The following SYTL5 variants were observed in gnomAD, a reference collection of about 807,000 sequenced individuals.
The protein encoded by SYTL5 is synaptotagmin like 5.
Under a neutral mutation model 55.9 loss-of-function variants are expected in SYTL5, and 34 were observed. That is an observed-to-expected ratio of 0.61 (90% CI 0.46 to 0.81). The LOEUF (loss-of-function observed/expected upper bound fraction) is 0.81. SYTL5 is among the 30% of genes least tolerant of loss of function. SYTL5 has a pLI of 0.00. For missense variants in SYTL5, 637 were observed against 546.7 expected, an observed-to-expected ratio of 1.17 and a Z score of -1.65; for synonymous variants, 221 against 188.7, an observed-to-expected ratio of 1.17 and a Z score of -1.40.
chrX:38,028,693 G>C (rs1934857894), intron 1 of SYTL5, among the ~76,000 whole-genome samples: 1 of 111,716 alleles, frequency 9.0e-6, no homozygotes, highest in Non-Finnish European at 1.9e-5. Context: ...CTTTTCATGA[G>C]AGTCCTGAAA....
the SYTL5 span, among the ~76,000 whole-genome samples, chrX:37,996,843 G>A: frequency 9.7e-4 from 109 of 111,972 alleles, no homozygotes; most frequent in African/African-American, 3.3e-3. Flanking sequence ...CCCAAAATAG[G>A]AGTCTAGAAA....
the SYTL5 span, among the ~76,000 whole-genome samples, chrX:37,939,201 C>T: frequency 2.4e-4 from 26 of 107,094 alleles, no homozygotes; most frequent in African/African-American, 7.5e-4. Flanking sequence ...GCAGAGGTTG[C>T]GGTGAGCTGA....
At chrX:37,965,518 T>G in the SYTL5 span, among the ~76,000 whole-genome samples, 5 of 111,746 alleles carry the variant, frequency 4.5e-5, no homozygotes, top group Non-Finnish European at 9.4e-5. Context: ...AGCTTGTTTT[T>G]GGGATCTAAC....
At chrX:37,934,436 A>G in the SYTL5 span, among the ~76,000 whole-genome samples, 1 of 107,281 alleles carries the variant, frequency 9.3e-6, no homozygotes, top group Non-Finnish European at 1.9e-5. Context: ...GGTGTTCAAC[A>G]GATTTGGGCA....
the SYTL5 span, chrX:37,946,490 C>A: frequency 4.2e-6 from 1 of 237,427 alleles, no homozygotes; most frequent in South Asian, 5.3e-5. Flanking sequence ...CTGGATTTTT[C>A]ATTGGAATCA....
chrX:37,940,963 G>C, the SYTL5 span, among the ~76,000 whole-genome samples: 1 of 110,826 alleles, frequency 9.0e-6, no homozygotes, highest in Non-Finnish European at 1.9e-5. Flanking sequence ...CCTAACTAGG[G>C]CTTACTGTAG....
At chrX:38,015,904 T>C (rs1934338941) in intron 1 of SYTL5, among the ~76,000 whole-genome samples, 1 of 111,110 alleles carries the variant, frequency 9.0e-6, no homozygotes, top group African/African-American at 3.3e-5. Flanking sequence ...CTATCTTCTC[T>C]AAAGTGATAA....
intron 6 of SYTL5, among the ~76,000 whole-genome samples, chrX:38,084,201 G>T (rs146857058): frequency 8.9e-6 from 1 of 112,265 alleles, no homozygotes; most frequent in East Asian, 2.8e-4. Flanking sequence ...AGAGTTCAGA[G>T]AACTTCTGGA....
intron 1 of SYTL5, among the ~76,000 whole-genome samples, chrX:38,011,754 C>T (rs1255980803): frequency 8.9e-6 from 1 of 111,882 alleles, no homozygotes; most frequent in Non-Finnish European, 1.9e-5. Flanking sequence ...TGTGAGTTTC[C>T]ATCTTTGTCT....
chrX:37,991,979 C>A, the SYTL5 span, among the ~76,000 whole-genome samples: 5 of 111,844 alleles, frequency 4.5e-5, no homozygotes, highest in Admixed American at 1.9e-4. Flanking sequence ...TATGATCTGG[C>A]CTAAGATGGG....
intron 1 of SYTL5, among the ~76,000 whole-genome samples, chrX:38,029,102 G>T (rs113024794): frequency 8.9e-6 from 1 of 112,105 alleles, no homozygotes; most frequent in African/African-American, 3.2e-5. Context: ...TTAAAAAGTA[G>T]ATTAGTGCTC....
At chrX:38,033,270 C>T (rs1411958565) in intron 1 of SYTL5, among the ~76,000 whole-genome samples, 1 of 111,335 alleles carries the variant, frequency 9.0e-6, no homozygotes, top group Non-Finnish European at 1.9e-5. Context: ...AGAGTGGCGA[C>T]GTGATGCAGC....
intron 13 of SYTL5, among the ~76,000 whole-genome samples, chrX:38,120,157 T>C (rs183690252): frequency 1.8e-5 from 2 of 112,675 alleles, no homozygotes; most frequent in East Asian, 2.8e-4. Context: ...AAAAGTTATA[T>C]GCAAATGCCT....
At chrX:38,090,913 A>T (rs975743979) in intron 7 of SYTL5, among the ~76,000 whole-genome samples, 1 of 112,249 alleles carries the variant, frequency 8.9e-6, no homozygotes, top group African/African-American at 3.2e-5. Flanking sequence ...TGTTCAAGGA[A>T]GAGGAAGGAG....
intron 1 of SYTL5, among the ~76,000 whole-genome samples, chrX:38,007,303 A>G (rs952386651): frequency 1.8e-5 from 2 of 111,897 alleles, no homozygotes; most frequent in African/African-American, 6.5e-5. Context: ...GAAATGCGAT[A>G]TTAACTGTGA....
Position 38,125,354 on chromosome X carries a change from AGAG to A in SYTL5, c.1899_1901del (p.Lys633_Ser634delinsAsn), listed in dbSNP as rs1475172978. 1 of 1,210,512 alleles carries A rather than the reference AGAG, an allele frequency of 8.3e-7. No individual in the cohort carries two copies. The highest frequency in any genetic ancestry group is 1.1e-6 in the Non-Finnish European group (1 of 895,184). On this transcript the variant is annotated inframe_deletion, in exon 16 of 17. Coordinates refer to ENST00000297875, the MANE Select transcript of SYTL5 (RefSeq NM_138780.3). ...AAGCACAAAACTCTGGTAATAAAAAAGAGTGTTAACCCTCAGTGGAATCATACA... is the reference window on the plus strand; with the variant it reads ...AAGCACAAAACTCTGGTAATAAAAAATGTTAACCCTCAGTGGAATCATACA...
intron 9 of SYTL5, among the ~76,000 whole-genome samples, chrX:38,098,098 C>T (rs969933412): frequency 9.1e-6 from 1 of 110,425 alleles, no homozygotes; most frequent in African/African-American, 3.3e-5. Context: ...AAAAGAAAAC[C>T]TAGGAGAAAA....
rs145718074 is a variant in SYTL5 at position 38,022,465 on chromosome X, C to T, written c.-356-11069C>T. On this transcript the variant is annotated intron_variant, in intron 1 of 16. Coordinates refer to ENST00000297875, the MANE Select transcript of SYTL5 (RefSeq NM_138780.3). ...TTTCTTCTGGAGCCTGCAGGAGAATCTGTTTCCTTGTCTTTTCCAGCTTCT... is the reference window on the plus strand; with the variant it reads ...TTTCTTCTGGAGCCTGCAGGAGAATTTGTTTCCTTGTCTTTTCCAGCTTCT... 3.8e-3 allele frequency among the ~76,000 whole-genome samples: 423 copies of T among 112,045 alleles called. 2 individuals are homozygous for T. The highest frequency in any genetic ancestry group is 0.013 in the African/African-American group (404 of 30,888).
intron 4 of SYTL5, among the ~76,000 whole-genome samples, chrX:38,072,593 A>T (rs1176364814): frequency 2.7e-5 from 3 of 112,029 alleles, no homozygotes; most frequent in Non-Finnish European, 5.6e-5. Context: ...TCAAAGATTG[A>T]TAATATGTAC....
Sources: gnomAD v4.1 joint callset for allele counts (sites outside exome capture counted in the v4.1 genomes callset) on GRCh38, gnomAD v4.1.1 for gene constraint, MANE v1.5 for transcripts, NCBI Gene and HGNC (gene_info 2026-07-23, HGNC 2026-07-21) for gene names.